TTC34: variants seen among roughly 807,000 people sequenced by gnomAD.
TTC34 encodes tetratricopeptide repeat protein 34.
In TTC34, 44 loss-of-function variants were observed where a neutral mutation model predicts 40.7. The observed-to-expected ratio is 1.08, with a 90% CI of 0.85 to 1.39. The LOEUF (loss-of-function observed/expected upper bound fraction) is 1.39, where lower values mean the gene tolerates loss of function less well. Among genes scored for constraint, TTC34 ranks in the 40% most tolerant of loss-of-function variants. TTC34 has a pLI of 0.00. For missense variants in TTC34, 884 were observed against 838.0 expected, an observed-to-expected ratio of 1.05 and a Z score of -0.68; for synonymous variants, 422 against 398.6, an observed-to-expected ratio of 1.06 and a Z score of -0.70.
intron 6 of TTC34, among the ~76,000 whole-genome samples, chr1:2,652,450 G>A (rs1639175764): frequency 1.3e-5 from 2 of 152,060 alleles, no homozygotes; most frequent in Admixed American, 1.3e-4. Context: ...CACACCCCCA[G>A]GTGAGCATCC....
chr1:2,692,608 T>A (rs1430234529), intron 6 of TTC34, among the ~76,000 whole-genome samples: 1 of 149,224 alleles, frequency 6.7e-6, no homozygotes, highest in African/African-American at 2.5e-5. Flanking sequence ...TCTGACTGCC[T>A]GGAACAGCAC....
At chr1:2,696,400 C>T (rs1368102537) in intron 6 of TTC34, among the ~76,000 whole-genome samples, 1 of 69,072 alleles carries the variant, frequency 1.4e-5, no homozygotes, top group African/African-American at 6.1e-5. Context: ...ACCCTACACC[C>T]CCAGGGGAGC....
chr1:2,642,952 T>TGCGGTGCGGCCC (rs1553149486), intron 8 of TTC34, among the ~76,000 whole-genome samples: 3 of 152,216 alleles, frequency 2.0e-5, no homozygotes, highest in African/African-American at 7.2e-5. Context: ...GTCCCTCGCC[T>TGCGGTGCGGCCC]GCGGTGCGGC....
intron 6 of TTC34, among the ~76,000 whole-genome samples, chr1:2,652,035 AG>A (rs33973665): frequency 0.94 from 67,462 of 72,122 alleles, 31,940 homozygotes; most frequent in South Asian, 0.95. Context: ...GTGGAGCAGC[AG>A]CCCACACCCA....
exon 9 of TTC34, chr1:2,637,304 C>A (rs1638813802): frequency 2.0e-5 from 3 of 152,178 alleles, no homozygotes. Context: ...GGTTCTCAAT[C>A]CAGGCTGAGG....
At chr1:2,655,539 G>T (rs1639314041) in intron 6 of TTC34, among the ~76,000 whole-genome samples, 1 of 117,120 alleles carries the variant, frequency 8.5e-6, no homozygotes, top group Non-Finnish European at 1.7e-5. Flanking sequence ...CACACCCCCA[G>T]TGAGCATCTG....
At chr1:2,801,348 G>A (rs1275146738) in intron 1 of TTC34, among the ~76,000 whole-genome samples, 6 of 152,006 alleles carry the variant, frequency 3.9e-5, no homozygotes, top group African/African-American at 1.2e-4. Context: ...GGCCATTCGA[G>A]GGGGGCGCCG....
chr1:2,683,638 G>C (rs528836237), intron 6 of TTC34, among the ~76,000 whole-genome samples: 25 of 148,922 alleles, frequency 1.7e-4, no homozygotes, highest in African/African-American at 5.9e-4. Context: ...CACACCCCCA[G>C]GTGAGCATCT....
At chr1:2,748,840 A>C (rs1318726657) in intron 6 of TTC34, among the ~76,000 whole-genome samples, 191 of 3,840 alleles carry the variant, frequency 0.05, 1 homozygote, top group East Asian at 0.11. Context: ...GGCACCCACA[A>C]ACCCAGGTGA....
At chr1:2,651,142 T>C (rs1389529590) in intron 6 of TTC34, among the ~76,000 whole-genome samples, 1 of 150,180 alleles carries the variant, frequency 6.7e-6, no homozygotes, top group Non-Finnish European at 1.5e-5. Context: ...CCTGGGACAG[T>C]ACCCTCCAGC....
chr1:2,671,806 T>C (rs9442435), intron 6 of TTC34, among the ~76,000 whole-genome samples: 1,078 of 132,672 alleles, frequency 8.1e-3, no homozygotes, highest in South Asian at 0.025. Flanking sequence ...GGTGAGCATC[T>C]GACCTCCCGG....
chr1:2,755,963 C>T (rs1641491281), intron 6 of TTC34, among the ~76,000 whole-genome samples: 2 of 77,384 alleles, frequency 2.6e-5, no homozygotes, highest in African/African-American at 1.0e-4. Context: ...GAGGATCTGA[C>T]AGCCTGGAAC....
chr1:2,755,778 CCA>C (rs1641484518), intron 6 of TTC34, among the ~76,000 whole-genome samples: 2 of 137,176 alleles, frequency 1.5e-5, no homozygotes, highest in South Asian at 2.5e-4. Context: ...GGAACGGCAC[CCA>C]CACCCCCAGG....
At chr1:2,691,906 C>G (rs570472009) in intron 6 of TTC34, among the ~76,000 whole-genome samples, 2 of 74,760 alleles carry the variant, frequency 2.7e-5, no homozygotes, top group African/African-American at 8.5e-5. Context: ...AACCTGCACA[C>G]CCAGGTGAGC....
At chr1:2,772,854 C>CA (rs1642464655) in intron 6 of TTC34, among the ~76,000 whole-genome samples, 1 of 70,530 alleles carries the variant, frequency 1.4e-5, no homozygotes, top group African/African-American at 4.7e-5. Flanking sequence ...CAGCACCCCA[C>CA]ACCCCTAGAT....
chr1:2,788,357 GTGTGTTGTA>G (rs1643619747), intron 3 of TTC34, among the ~76,000 whole-genome samples: 1 of 152,060 alleles, frequency 6.6e-6, no homozygotes, highest in East Asian at 1.9e-4. Flanking sequence ...TGTGTGGTGT[GTGTGTTGTA>G]TGTGTGGTGT....
In TTC34 at chr1:2,691,815, C is replaced by G. The variant is rs1467916737; in HGVS notation, c.2227-46252G>C. Among the ~76,000 whole-genome samples the G allele has an allele frequency of 2.4e-5, 2 of 82,888 alleles. 1 individual carries two copies. The highest frequency in any genetic ancestry group is 5.5e-5 in the Non-Finnish European group (2 of 36,598). 54.4% of individuals were successfully genotyped at this position (82,888 alleles called of 152,430 possible). A position where few individuals can be genotyped will look rare whatever the true frequency, so the allele number is the denominator to read the frequency against. On this transcript the variant is annotated intron_variant, in intron 6 of 8. Transcript: ENST00000401095. Reference sequence around the variant, plus strand: ...GCGAGCATCCGACAGCCTGGAGCAGCACCCACACCCCCAGGTGTGCATGTG... The same window carrying G: ...GCGAGCATCCGACAGCCTGGAGCAGGACCCACACCCCCAGGTGTGCATGTG...
intron 6 of TTC34, among the ~76,000 whole-genome samples, chr1:2,683,530 A>G (rs1640177092): frequency 6.8e-6 from 1 of 147,122 alleles, no homozygotes; most frequent in South Asian, 2.1e-4. Flanking sequence ...TGAGCATCTG[A>G]TGGTCTGGAG....
chr1:2,695,059 A>ACAACCTGC (rs1640798604), intron 6 of TTC34, among the ~76,000 whole-genome samples: 13 of 72,190 alleles, frequency 1.8e-4, no homozygotes, highest in Non-Finnish European at 2.4e-4. Context: ...TGACACACTG[A>ACAACCTGC]AACAGCACAC....
Sources: gnomAD v4.1 joint callset for allele counts (sites outside exome capture counted in the v4.1 genomes callset) on GRCh38, gnomAD v4.1.1 for gene constraint, MANE v1.5 for transcripts, NCBI Gene and HGNC (gene_info 2026-07-23, HGNC 2026-07-21) for gene names.